Variants in DNAI2 observed in about 807,000 individuals in gnomAD.
DNAI2 encodes the protein dynein, axonemal, intermediate polypeptide 2.
A neutral mutation model predicts 74.7 loss-of-function variants in DNAI2; 63 were observed. That is an observed-to-expected ratio of 0.84 (90% CI 0.69 to 1.04). The LOEUF (loss-of-function observed/expected upper bound fraction) is 1.04, where lower values mean the gene tolerates loss of function less well. Ranked by LOEUF, DNAI2 falls within the 50% of genes least tolerant of loss-of-function variation. The probability of loss-of-function intolerance (pLI) is 0.00; values close to 1 mark genes in which losing one functional copy is unlikely to be tolerated. For synonymous variants in DNAI2, 289 were observed against 314.9 expected (o/e 0.92, Z 0.87); for missense variants, 688 against 803.2 (o/e 0.86, Z 1.73).
intron 1 of DNAI2, among the ~76,000 whole-genome samples, chr17:74,276,351 G>A (rs532876553): frequency 2.6e-5 from 4 of 152,188 alleles, no homozygotes; most frequent in Non-Finnish European, 4.4e-5. Flanking sequence ...TGTTCTTCAC[G>A]CCTCTGGGAC....
At chr17:74,276,829 A>G (rs1199585758) in intron 1 of DNAI2, among the ~76,000 whole-genome samples, 1 of 152,202 alleles carries the variant, frequency 6.6e-6, no homozygotes, top group Non-Finnish European at 1.5e-5. Context: ...GCTGGCTTGC[A>G]GCAATTTCTT....
chr17:74,289,040 G>T (rs2051920591), intron 4 of DNAI2, among the ~76,000 whole-genome samples: 1 of 152,210 alleles, frequency 6.6e-6, no homozygotes, highest in Non-Finnish European at 1.5e-5. Flanking sequence ...ACCTAGCCCA[G>T]TCCCAGCACA....
chr17:74,292,531 C>G (rs1252972897), intron 6 of DNAI2, among the ~76,000 whole-genome samples: 1 of 151,582 alleles, frequency 6.6e-6, no homozygotes, highest in Admixed American at 6.6e-5. Context: ...ATTCTTCCAC[C>G]CCAGCCTCCC....
chr17:74,290,943 C>A, intron 5 of DNAI2, 77 bp from the exon 6 acceptor site: 2 of 1,329,828 alleles, frequency 1.5e-6, no homozygotes, highest in Non-Finnish European at 2.2e-6. Flanking sequence ...GCTACCCACC[C>A]GCAGAAGGGG....
At chr17:74,282,436 G>T (rs2051450570) in intron 2 of DNAI2, among the ~76,000 whole-genome samples, 1 of 152,110 alleles carries the variant, frequency 6.6e-6, no homozygotes, top group Non-Finnish European at 1.5e-5. Context: ...TGGTAGCTGG[G>T]ACTACAGGTG....
intron 4 of DNAI2, among the ~76,000 whole-genome samples, chr17:74,288,769 C>G (rs1441700722): frequency 6.6e-6 from 1 of 152,228 alleles, no homozygotes; most frequent in East Asian, 1.9e-4. Flanking sequence ...GTGAGAAAGA[C>G]CATGCTCTGT....
At chr17:74,307,297 G>A in intron 9 of DNAI2, 1 of 456,258 alleles carries the variant, frequency 2.2e-6, no homozygotes, top group Non-Finnish European at 4.4e-6. Flanking sequence ...GAGGGACTTG[G>A]TGGACCTGTG....
At chr17:74,292,415 C>CTTTT (rs56013644) in intron 6 of DNAI2, among the ~76,000 whole-genome samples, 2 of 112,882 alleles carry the variant, frequency 1.8e-5, no homozygotes, top group African/African-American at 6.7e-5. Context: ...TTTTCTTTTT[C>CTTTT]TTTTTTTTTT....
chr17:74,292,559 G>C (rs1270615999), intron 6 of DNAI2, among the ~76,000 whole-genome samples: 3 of 151,858 alleles, frequency 2.0e-5, no homozygotes, highest in Non-Finnish European at 2.9e-5. Context: ...TGAGCCTACA[G>C]GCATGTGCCA....
Position 74,309,329 on chromosome 17 carries a change from G to A in DNAI2, c.1288G>A (p.Gly430Arg), listed in dbSNP as rs765285682. Residue 430 changes from glycine to arginine, a missense_variant, in exon 10 of 14, where the codon GGA becomes AGA. By Grantham distance (125) the Gly-to-Arg change is moderately radical. Coordinates refer to ENST00000311014, the MANE Select transcript of DNAI2 (RefSeq NM_023036.6). Reference protein sequence around the residue: ...PTVFFTTRMDGTLDIWDFMFE... With the variant: ...PTVFFTTRMDRTLDIWDFMFE... ...CGTTTTCTTTACCACCAGGATGGAC[G>A]GAACCCTGGATATCTGGGACTTCAT... 5.0e-6 allele frequency: 8 copies of A among 1,614,142 alleles called. No homozygotes were observed. In the Admixed American group the frequency reaches 5.0e-5, roughly 10 times the overall value.
intron 8 of DNAI2, among the ~76,000 whole-genome samples, chr17:74,303,319 C>A (rs926058488): frequency 6.6e-6 from 1 of 152,164 alleles, no homozygotes; most frequent in Non-Finnish European, 1.5e-5. Flanking sequence ...CCACTCAGAT[C>A]TGGGTGGCCT....
chr17:74,289,514 A>G, intron 4 of DNAI2, 80 bp from the exon 5 acceptor site: 1 of 1,545,014 alleles, frequency 6.5e-7, no homozygotes, highest in Non-Finnish European at 8.8e-7. Flanking sequence ...GCAAGACTCC[A>G]TCTGACAAAA....
chr17:74,299,653 C>T (rs754377571), intron 6 of DNAI2, 65 bp from the exon 7 acceptor site: 254 of 1,606,782 alleles, frequency 1.6e-4, no homozygotes, highest in Non-Finnish European at 2.1e-4. Flanking sequence ...CTCTCCCCTG[C>T]TCCCTGCCCT....
rs749177713 is a variant in DNAI2, at chr17:74,309,474, G to A, written c.1347+86G>A. 6.7e-5 allele frequency: 105 copies of A among 1,572,690 alleles called. No individual in the cohort carries two copies. The South Asian group carries it at 7.6e-4, about 11-fold the overall frequency. The stretch of plus-strand genomic sequence containing the variant: ...TGTGAGTGTGGGGTGCTGTGAGCAC[G>A]TGTGCAGTGTGTGGCCAGGTGTGTT... On this transcript the variant is annotated intron_variant, in intron 10 of 13. Transcript: ENST00000311014.
Position 74,310,052 on chromosome 17 carries a change from G to A in DNAI2, c.1383G>A (p.Gln461=). The change falls in exon 11 of 14, where the codon CAG becomes CAA. Residue 461 remains glutamine (Q), a synonymous_variant. Coordinates refer to ENST00000311014, the MANE Select transcript of DNAI2 (RefSeq NM_023036.6). ...AGGCCCTCTTCTGCCTCCGGGTGCA[G>A]GACAATGGGTGTCTCATCGCCTGCG... ...CDEALFCLRV[Q]DNGCLIACGS... is the part of the protein sequence containing the mutation. 2.5e-6 allele frequency: 4 copies of A among 1,613,914 alleles called. No individual in the cohort carries two copies. Among genetic ancestry groups the A allele is most frequent in the Non-Finnish European group, 3.4e-6 (4 of 1,180,042 alleles).
intron 2 of DNAI2, among the ~76,000 whole-genome samples, 160 bp from the exon 3 acceptor site, chr17:74,284,880 A>G (rs2051615454): frequency 6.6e-6 from 1 of 152,184 alleles, no homozygotes; most frequent in African/African-American, 2.4e-5. Flanking sequence ...CCACCTGATC[A>G]CCAGGAATTT....
At position 74,289,739 on chromosome 17, in the gene DNAI2, G is replaced by A. The variant is rs1487423851; in HGVS notation, c.610+3G>A. The A allele has an allele frequency of 5.0e-6, 8 of 1,613,908 alleles. No individual in the cohort carries two copies. The highest frequency in any genetic ancestry group is 6.8e-6 in the Non-Finnish European group (8 of 1,179,992). On this transcript the variant is annotated splice_donor_region_variant and intron_variant, in intron 5 of 13. Coordinates refer to ENST00000311014, the MANE Select transcript of DNAI2 (RefSeq NM_023036.6). ...CGATTCATACATCTGGGACCTGGGT[G>A]AGAAGCAGCGGGGTCCTGGTGGCCT...
chr17:74,284,863 C>T (rs1009130491), intron 2 of DNAI2, among the ~76,000 whole-genome samples, 177 bp from the exon 3 acceptor site: 2 of 152,222 alleles, frequency 1.3e-5, no homozygotes, highest in African/African-American at 2.4e-5. Context: ...GTTGCAGCTA[C>T]CTGTGCCCAC....
At chr17:74,283,513 C>T (rs192859355) in intron 2 of DNAI2, among the ~76,000 whole-genome samples, 28 of 151,680 alleles carry the variant, frequency 1.8e-4, no homozygotes, top group Middle Eastern at 3.4e-3. Flanking sequence ...GAGGTGGAGG[C>T]GGGCGGATTG....
Sources: gnomAD v4.1 joint callset for allele counts (sites outside exome capture counted in the v4.1 genomes callset) on GRCh38, gnomAD v4.1.1 for gene constraint, MANE v1.5 for transcripts, NCBI Gene and HGNC (gene_info 2026-07-23, HGNC 2026-07-21) for gene names.